Variants in GOLGA4 observed in about 807,000 individuals in gnomAD.
The protein encoded by GOLGA4 is golgin subfamily A member 4.
GOLGA4 carries 169 observed loss-of-function variants against 265.9 expected under a neutral mutation model. The ratio of observed to expected loss-of-function variants is 0.64; its 90% CI spans 0.56 to 0.72. The LOEUF is 0.72. GOLGA4 is among the 30% of genes least tolerant of loss of function. GOLGA4 has a pLI of 0.00. For synonymous variants in GOLGA4, 923 were observed against 855.8 expected (o/e 1.08, Z -1.37); for missense variants, 2,482 against 2,483.4 (o/e 1.00, Z 0.01).
chr3:37,358,038 G>A (rs1179554739), intron 22 of GOLGA4, among the ~76,000 whole-genome samples: 1 of 152,092 alleles, frequency 6.6e-6, no homozygotes, highest in African/African-American at 2.4e-5. Flanking sequence ...CTGAAAAGCT[G>A]GTATAAGAAA....
chr3:37,325,592 A>C lies in GOLGA4; in HGVS notation c.3706A>C (p.Ile1236Leu). 5.6e-6 allele frequency: 9 copies of C among 1,612,904 alleles called. No individual in the cohort carries two copies. The highest frequency in any genetic ancestry group is 7.6e-6 in the Non-Finnish European group (9 of 1,178,922). ...ATTAGAAGCTAAAACAAATGAGCTA[A>C]TCAACATTAGTAGTAGTAAAACTAA... ...ALLEAKTNEL[I>L]NISSSKTNAI... is the part of the protein sequence containing the mutation. Residue 1236 changes from isoleucine to leucine, a missense_variant, in exon 14 of 24, where the codon ATC (isoleucine) becomes CTC (leucine). Around this residue, in one of 3 missense-constraint regions of GOLGA4, gnomAD observed 1,536 missense variants for 1,483.7 expected, o/e 1.04. Coordinates refer to ENST00000361924, the MANE Select transcript of GOLGA4 (RefSeq NM_002078.5).
chr3:37,274,478 G>T (rs1457161360), intron 2 of GOLGA4, among the ~76,000 whole-genome samples: 1 of 151,976 alleles, frequency 6.6e-6, no homozygotes, highest in Admixed American at 6.5e-5. Context: ...GATCGCTTGA[G>T]ACCAGGAGTT....
intron 18 of GOLGA4, 63 bp downstream of exon 18, chr3:37,337,226 T>C: frequency 1.1e-6 from 1 of 895,286 alleles, no homozygotes; most frequent in South Asian, 1.6e-5. Flanking sequence ...CTCACTCTGT[T>C]GCCCAGGCTG....
rs544565929 is a variant in GOLGA4, at chr3:37,259,143, G to A, written c.162+7659G>A. On this transcript the variant is annotated intron_variant, in intron 2 of 23. Transcript: ENST00000361924. ...GGGAAGTGTTCTGATAACTAATTCA[G>A]TATCTACTTTTTATAGCTCTGTTCA... 3.3e-5 allele frequency among the ~76,000 whole-genome samples: 5 copies of A among 152,190 alleles called. No individual in the cohort carries two copies. The East Asian group carries it at 9.6e-4, about 29-fold the overall frequency.
At position 37,328,547 on chromosome 3, in the gene GOLGA4, A is replaced by G; in HGVS notation, c.6061+10A>G. 6.2e-7 allele frequency: 1 copy of G among 1,606,148 alleles called. No homozygotes were observed. Among genetic ancestry groups the G allele is most frequent in the Non-Finnish European group, 8.5e-7 (1 of 1,176,096 alleles). ...ATAAAAGAAACTATCAGTAAGTAAA[A>G]TTAAGTTCCATAAGGAACAATTATA... On this transcript the variant is annotated intron_variant, in intron 15 of 23. Transcript: ENST00000361924.
chr3:37,281,932 C>T (rs1302854973), intron 2 of GOLGA4, 26 bp from the exon 3 acceptor site: 3 of 1,534,698 alleles, frequency 2.0e-6, no homozygotes, highest in African/African-American at 1.4e-5. Context: ...TTTTAATCCA[C>T]ACATTCTGTT....
rs553082059 is a variant in GOLGA4 at position 37,322,720 on chromosome 3, G to A, written c.1701+834G>A. Among the ~76,000 whole-genome samples the A allele has an allele frequency of 4.6e-5, 7 of 152,072 alleles. No homozygotes were observed. The East Asian group carries it at 5.8e-4, about 13-fold the overall frequency. Reference sequence around the variant, plus strand: ...TCCTTAGGACCCTAGGACCTTTCCAGCTCTGACATTCTGTGGCTCTGCCTT... The same window carrying A: ...TCCTTAGGACCCTAGGACCTTTCCAACTCTGACATTCTGTGGCTCTGCCTT... On this transcript the variant is annotated intron_variant, in intron 13 of 23. Coordinates refer to ENST00000361924, the MANE Select transcript of GOLGA4 (RefSeq NM_002078.5).
At position 37,251,447 on chromosome 3, in the gene GOLGA4, T is replaced by G. The variant is rs2096733470; in HGVS notation, c.125T>G (p.Phe42Cys). 1 of 1,612,182 alleles carries G rather than the reference T, an allele frequency of 6.2e-7. No individual in the cohort carries two copies. Among genetic ancestry groups the G allele is most frequent in the Non-Finnish European group, 8.5e-7 (1 of 1,178,380 alleles). Residue 42 changes from phenylalanine to cysteine, a missense_variant, in exon 2 of 24, where the codon TTT (phenylalanine) becomes TGT (cysteine). By Grantham distance (205) the Phe-to-Cys change is radical. This residue lies in a region of GOLGA4 where 1,536 missense variants were observed against 1,483.7 expected (regional missense o/e 1.04). Transcript: ENST00000361924. ...PTRMRSRTSS[F>C]TEQLDEGTPN... The stretch of plus-strand genomic sequence containing the variant: ...AGAATGAGGAGCAGGACATCTTCAT[T>G]TACAGAGCAACTTGATGAAGGTACA...
chr3:37,305,489 G>A (rs1202802185), intron 10 of GOLGA4, among the ~76,000 whole-genome samples: 4 of 152,136 alleles, frequency 2.6e-5, no homozygotes, highest in African/African-American at 4.8e-5. Flanking sequence ...TAGTTCAAAT[G>A]TAAAGGTATA....
chr3:37,347,611 G>A (rs2097060297), intron 21 of GOLGA4, among the ~76,000 whole-genome samples: 1 of 151,942 alleles, frequency 6.6e-6, no homozygotes, highest in Non-Finnish European at 1.5e-5. Context: ...CTTTAAGTTA[G>A]AAGAATAGAT....
chr3:37,327,918 G>A, intron 14 of GOLGA4, 93 bp downstream of exon 14: 2 of 1,047,498 alleles, frequency 1.9e-6, no homozygotes, highest in Non-Finnish European at 2.7e-6. Context: ...TAAATTATTT[G>A]GATAAGTTTC....
At position 37,324,849 on chromosome 3, in the gene GOLGA4, C is replaced by G. The variant is rs896036819; in HGVS notation, c.2963C>G (p.Thr988Ser). The change falls in exon 14 of 24, where the codon ACT becomes AGT. Residue 988 changes from threonine (T) to serine (S), a missense_variant. Thr to Ser is a moderately conservative substitution (Grantham distance 58, BLOSUM62 1). Around this residue, in one of 3 missense-constraint regions of GOLGA4, gnomAD observed 1,536 missense variants for 1,483.7 expected, o/e 1.04. Coordinates refer to ENST00000361924, the MANE Select transcript of GOLGA4 (RefSeq NM_002078.5). ...EAKLKKELENTALELSQKEKQ... is the reference protein window; with the variant it reads ...EAKLKKELENSALELSQKEKQ... ...AAACTTAAGAAAGAGCTTGAAAATA[C>G]TGCTCTAGAGCTTAGTCAGAAAGAA... The G allele has an allele frequency of 2.5e-6, 4 of 1,584,568 alleles. No homozygotes were observed. Among genetic ancestry groups the G allele is most frequent in the Non-Finnish European group, 3.4e-6 (4 of 1,172,324 alleles).
intron 5 of GOLGA4, among the ~76,000 whole-genome samples, chr3:37,293,440 C>A (rs941213914): frequency 2.0e-4 from 31 of 152,028 alleles, no homozygotes; most frequent in African/African-American, 7.2e-4. Flanking sequence ...GAGACCTGGG[C>A]TGTGGTTATA....
intron 16 of GOLGA4, chr3:37,329,383 C>T (rs2096982936): frequency 5.5e-6 from 1 of 182,940 alleles, no homozygotes; most frequent in Admixed American, 6.2e-5. Flanking sequence ...TCCCATCTGC[C>T]TCACAGATTC....
At chr3:37,311,282 A>G (rs554510250) in intron 10 of GOLGA4, among the ~76,000 whole-genome samples, 72 of 152,356 alleles carry the variant, frequency 4.7e-4, no homozygotes, top group Non-Finnish European at 7.2e-4. Flanking sequence ...TATAAAATAT[A>G]AATGCCTTTC....
intron 23 of GOLGA4, among the ~76,000 whole-genome samples, chr3:37,364,284 A>G (rs1696574435): frequency 6.6e-6 from 1 of 152,052 alleles, no homozygotes; most frequent in Admixed American, 6.6e-5. Flanking sequence ...CTTGTTGCCC[A>G]GGCTAGAGTG....
intron 2 of GOLGA4, among the ~76,000 whole-genome samples, chr3:37,269,093 T>C (rs1238253531): frequency 6.6e-6 from 1 of 152,230 alleles, no homozygotes; most frequent in Non-Finnish European, 1.5e-5. Flanking sequence ...TGAAACAATA[T>C]GTAATTGAAG....
At chr3:37,343,834 T>C (rs905291396) in intron 20 of GOLGA4, among the ~76,000 whole-genome samples, 1 of 152,226 alleles carries the variant, frequency 6.6e-6, no homozygotes, top group African/African-American at 2.4e-5. Context: ...ACATCAAACG[T>C]TCATGACATA....
intron 10 of GOLGA4, among the ~76,000 whole-genome samples, chr3:37,312,040 CA>C (rs2096924482): frequency 6.6e-6 from 1 of 152,102 alleles, no homozygotes; most frequent in African/African-American, 2.4e-5. Flanking sequence ...ACTTAATTGA[CA>C]AAAGGTTTTC....
Sources: allele counts gnomAD v4.1 joint callset (sites outside exome capture counted in the v4.1 genomes callset), GRCh38; gene constraint gnomAD v4.1.1; regional missense constraint gnomAD v4.1.1; transcripts MANE v1.5; gene names NCBI Gene and HGNC (gene_info 2026-07-23, HGNC 2026-07-21).